The following IL1RAPL2 variants were observed in gnomAD, a reference collection of about 807,000 sequenced individuals.
IL1RAPL2 encodes X-linked interleukin-1 receptor accessory protein-like 2.
A neutral mutation model predicts 44.1 loss-of-function variants in IL1RAPL2; 3 were observed. The ratio of observed to expected loss-of-function variants is 0.07; its 90% CI spans 0.03 to 0.18. The LOEUF (loss-of-function observed/expected upper bound fraction) is 0.18, where lower values mean the gene tolerates loss of function less well. Ranked by LOEUF, IL1RAPL2 falls within the 10% of genes least tolerant of loss-of-function variation. IL1RAPL2 has a pLI of 1.00. For missense variants in IL1RAPL2, 391 were observed against 496.4 expected, an observed-to-expected ratio of 0.79 and a Z score of 2.02; for synonymous variants, 181 against 178.8, an observed-to-expected ratio of 1.01 and a Z score of -0.10.
chrX:105,498,178 A>G (rs2036368861), intron 6 of IL1RAPL2, among the ~76,000 whole-genome samples: 1 of 112,339 alleles, frequency 8.9e-6, no homozygotes, highest in Non-Finnish European at 1.9e-5. Flanking sequence ...CAAAAGTTAG[A>G]ACTAATAAAT....
chrX:105,304,383 G>A (rs762800930), intron 5 of IL1RAPL2, among the ~76,000 whole-genome samples: 24 of 112,442 alleles, frequency 2.1e-4, no homozygotes, highest in African/African-American at 7.1e-4. Context: ...CATGGGACAG[G>A]GAAATGAGGA....
At chrX:104,983,539 A>AATATTATATTAGATACATAATATT (rs2030493316) in intron 2 of IL1RAPL2, among the ~76,000 whole-genome samples, 3 of 98,874 alleles carry the variant, frequency 3.0e-5, no homozygotes, top group African/African-American at 1.1e-4. Flanking sequence ...AATATTATAT[A>AATATTATATTAGATACATAATATT]ATATTATATT....
chrX:104,788,601 T>C (rs1002407594), intron 2 of IL1RAPL2, among the ~76,000 whole-genome samples: 1 of 111,919 alleles, frequency 8.9e-6, no homozygotes, highest in African/African-American at 3.2e-5. Context: ...TTGATAATAA[T>C]ACTGGTTCAT....
intron 2 of IL1RAPL2, among the ~76,000 whole-genome samples, chrX:104,709,146 A>G (rs1364799285): frequency 9.1e-6 from 1 of 110,419 alleles, no homozygotes; most frequent in Non-Finnish European, 1.9e-5. Context: ...GACCATAGGT[A>G]AGCTACCTGT....
chrX:104,692,584 G>C (rs1336180047), intron 2 of IL1RAPL2, among the ~76,000 whole-genome samples: 6 of 108,923 alleles, frequency 5.5e-5, no homozygotes, highest in Admixed American at 2.0e-4. Context: ...TCCCACCTAT[G>C]AGTGAGAATA....
intron 2 of IL1RAPL2, among the ~76,000 whole-genome samples, chrX:105,124,734 AT>A (rs749140886): frequency 2.7e-5 from 3 of 110,727 alleles, no homozygotes; most frequent in Non-Finnish European, 5.7e-5. Context: ...ATATTATAAT[AT>A]TTTTAGGACT....
intron 1 of IL1RAPL2, among the ~76,000 whole-genome samples, chrX:104,617,280 C>T (rs1929298562): frequency 8.9e-6 from 1 of 111,954 alleles, no homozygotes; most frequent in South Asian, 3.8e-4. Flanking sequence ...CCTGTCTCTT[C>T]TCTAGCCATC....
intron 2 of IL1RAPL2, among the ~76,000 whole-genome samples, chrX:104,969,473 T>G (rs2147720378): frequency 9.0e-6 from 1 of 111,127 alleles, no homozygotes; most frequent in East Asian, 2.8e-4. Context: ...CTTTGAAAGG[T>G]TTTATAACAT....
chrX:105,440,049 A>G (rs2035909914), intron 5 of IL1RAPL2, among the ~76,000 whole-genome samples: 1 of 111,865 alleles, frequency 8.9e-6, no homozygotes, highest in Non-Finnish European at 1.9e-5. Context: ...ATAAATTCAT[A>G]TACCAGCTCA....
At chrX:105,144,266 C>A (rs1882628137) in intron 2 of IL1RAPL2, among the ~76,000 whole-genome samples, 2 of 110,404 alleles carry the variant, frequency 1.8e-5, no homozygotes, top group East Asian at 2.9e-4. Flanking sequence ...TTACTAACAC[C>A]AATACTTCAT....
intron 2 of IL1RAPL2, among the ~76,000 whole-genome samples, chrX:104,853,285 G>A (rs774696265): frequency 1.8e-5 from 2 of 111,512 alleles, no homozygotes; most frequent in Non-Finnish European, 3.8e-5. Context: ...TTATAGAAAT[G>A]GTACCCAATG....
intron 2 of IL1RAPL2, among the ~76,000 whole-genome samples, chrX:104,713,989 T>C (rs918156571): frequency 9.0e-6 from 1 of 111,160 alleles, no homozygotes; most frequent in African/African-American, 3.3e-5. Context: ...TATACAAGTT[T>C]AGTGAATGAG....
intron 6 of IL1RAPL2, among the ~76,000 whole-genome samples, chrX:105,488,865 G>A (rs1232789076): frequency 8.9e-6 from 1 of 111,901 alleles, no homozygotes; most frequent in East Asian, 2.8e-4. Context: ...GTTGGCATCA[G>A]TACAGATATT....
At chrX:105,739,710 G>A (rs1346664632) in intron 7 of IL1RAPL2, among the ~76,000 whole-genome samples, 2 of 104,708 alleles carry the variant, frequency 1.9e-5, no homozygotes, top group African/African-American at 3.5e-5. Flanking sequence ...AGTATTCCAT[G>A]GTGTATATGT....
At chrX:105,502,641 C>T (rs1161603766) in intron 6 of IL1RAPL2, among the ~76,000 whole-genome samples, 6 of 111,159 alleles carry the variant, frequency 5.4e-5, no homozygotes, top group Non-Finnish European at 1.1e-4. Flanking sequence ...TCAGCTAACC[C>T]CCCAAACCTT....
chrX:105,437,025 G>GTA (rs71694806), intron 5 of IL1RAPL2, among the ~76,000 whole-genome samples: 15,671 of 90,708 alleles, frequency 0.17, 1,269 homozygotes, highest in Admixed American at 0.25. Flanking sequence ...AAATATAAAC[G>GTA]TATATATATA....
At chrX:105,051,638 C>A (rs1056714842) in intron 2 of IL1RAPL2, among the ~76,000 whole-genome samples, 4 of 113,152 alleles carry the variant, frequency 3.5e-5, no homozygotes, top group African/African-American at 1.3e-4. Flanking sequence ...TGGGCGACTG[C>A]CCCTGTATCT....
intron 5 of IL1RAPL2, among the ~76,000 whole-genome samples, chrX:105,376,797 C>T (rs1363976209): frequency 3.6e-5 from 4 of 111,571 alleles, no homozygotes. Flanking sequence ...TAGGAAATTC[C>T]TAAAGTGAAA....
chrX:105,204,064 C>T (rs782390468), intron 3 of IL1RAPL2, among the ~76,000 whole-genome samples: 83 of 111,375 alleles, frequency 7.5e-4, no homozygotes, highest in South Asian at 3.8e-3. Context: ...ACCTAGAGAG[C>T]GATGGTATAG....
Sources: gnomAD v4.1 joint callset for allele counts (sites outside exome capture counted in the v4.1 genomes callset) on GRCh38, gnomAD v4.1.1 for gene constraint, MANE v1.5 for transcripts, NCBI Gene and HGNC (gene_info 2026-07-23, HGNC 2026-07-21) for gene names.